CUL1: variants seen among roughly 807,000 people sequenced by gnomAD.
CUL1 encodes the protein cullin-1.
In CUL1, 24 loss-of-function variants were observed where a neutral mutation model predicts 118.0. The ratio of observed to expected loss-of-function variants is 0.20; its 90% CI spans 0.15 to 0.29. CUL1 has a LOEUF of 0.29. Among genes scored for constraint, CUL1 ranks in the 10% least tolerant of loss-of-function variants. The probability of loss-of-function intolerance (pLI) is 1.00; values close to 1 mark genes in which losing one functional copy is unlikely to be tolerated. For synonymous variants in CUL1, 332 were observed against 340.4 expected (o/e 0.98, Z 0.27); for missense variants, 361 against 933.8 (o/e 0.39, Z 7.99).
intron 9 of CUL1, among the ~76,000 whole-genome samples, chr7:148,774,578 G>C (rs892565170): frequency 6.6e-6 from 1 of 152,204 alleles, no homozygotes; most frequent in African/African-American, 2.4e-5. Context: ...AGACAGCTCT[G>C]TAAATGAACA....
chr7:148,781,431 C>G (rs1398415134), intron 9 of CUL1, among the ~76,000 whole-genome samples: 1 of 152,110 alleles, frequency 6.6e-6, no homozygotes, highest in Non-Finnish European at 1.5e-5. Context: ...GCAAGTCCTC[C>G]CATCTCACCA....
chr7:148,716,961 G>C (rs73465493), intron 1 of CUL1, among the ~76,000 whole-genome samples: 1,609 of 152,296 alleles, frequency 0.011, 26 homozygotes, highest in African/African-American at 0.037. Flanking sequence ...CATCTGTCAT[G>C]TTATTAGATC....
rs1008077107 is a variant in CUL1 at position 148,798,682 on chromosome 7, C to A, written c.2136+5C>A. On this transcript the variant is annotated splice_donor_5th_base_variant and intron_variant, in intron 20 of 21. Transcript: ENST00000325222. ...GACCGCAAACTACTGATTCAGGTGA[C>A]TTATCTGTATGCCTGTGCCAGGTGT... 7.5e-6 allele frequency: 12 copies of A among 1,610,350 alleles called. No individual in the cohort carries two copies. In the East Asian group the frequency reaches 2.7e-4, roughly 36 times the overall value.
intron 4 of CUL1, among the ~76,000 whole-genome samples, chr7:148,759,057 T>G (rs1217436542): frequency 6.6e-6 from 1 of 152,206 alleles, no homozygotes; most frequent in Non-Finnish European, 1.5e-5. Context: ...TTTCCTATAC[T>G]GTTTCCAACA....
intron 1 of CUL1, among the ~76,000 whole-genome samples, chr7:148,724,306 A>C (rs1419033171): frequency 6.6e-6 from 1 of 152,212 alleles, no homozygotes; most frequent in Non-Finnish European, 1.5e-5. Context: ...CTTCTTTTGG[A>C]ATAACAGTCT....
chr7:148,798,428 T>G, intron 19 of CUL1, 144 bp from the exon 20 acceptor site: 1 of 639,624 alleles, frequency 1.6e-6, no homozygotes, highest in Non-Finnish European at 2.8e-6. Flanking sequence ...GTAGAGGACA[T>G]TTTCACGGAG....
chr7:148,720,787 G>C (rs1034899942), intron 1 of CUL1, among the ~76,000 whole-genome samples: 1 of 152,186 alleles, frequency 6.6e-6, no homozygotes, highest in African/African-American at 2.4e-5. Flanking sequence ...AGTTGTCGTC[G>C]AGGGTTGAGC....
At chr7:148,727,578 G>T (rs1253173528) in intron 1 of CUL1, among the ~76,000 whole-genome samples, 4 of 152,178 alleles carry the variant, frequency 2.6e-5, no homozygotes, top group South Asian at 2.1e-4. Context: ...TTATGGCCTG[G>T]AGTAAGTGTT....
At chr7:148,733,986 C>A (rs1350380568) in intron 2 of CUL1, among the ~76,000 whole-genome samples, 1 of 151,084 alleles carries the variant, frequency 6.6e-6, no homozygotes, top group Non-Finnish European at 1.5e-5. Flanking sequence ...TTTATCTTGA[C>A]TTTTCAACTC....
rs1208598676 is a variant in CUL1, at chr7:148,789,857, G to T, written c.1674+31G>T. 3.1e-6 allele frequency: 5 copies of T among 1,597,112 alleles called. No homozygotes were observed. In the East Asian group the frequency reaches 1.1e-4, roughly 36 times the overall value. On this transcript the variant is annotated intron_variant, in intron 15 of 21. Transcript: ENST00000325222. ...GATGGGTTTGTCTGCCATCCCATTAGTGCTAAGTGGAGGGTGGGGCAGGGC... is the reference window on the plus strand; with the variant it reads ...GATGGGTTTGTCTGCCATCCCATTATTGCTAAGTGGAGGGTGGGGCAGGGC...
chr7:148,755,301 G>A (rs1350143971), intron 3 of CUL1, among the ~76,000 whole-genome samples: 1 of 152,168 alleles, frequency 6.6e-6, no homozygotes, highest in Non-Finnish European at 1.5e-5. Flanking sequence ...GTTCTACACT[G>A]TCAAAGAGTG....
chr7:148,769,487 C>T (rs1361598084), intron 9 of CUL1, among the ~76,000 whole-genome samples: 1 of 149,322 alleles, frequency 6.7e-6, no homozygotes, highest in Non-Finnish European at 1.5e-5. Flanking sequence ...GGGGTCAATT[C>T]GGTGAAGACA....
intron 16 of CUL1, among the ~76,000 whole-genome samples, chr7:148,791,681 G>A (rs1166533562): frequency 6.6e-6 from 1 of 152,238 alleles, no homozygotes; most frequent in Non-Finnish European, 1.5e-5. Flanking sequence ...TTGTCTGTGG[G>A]CCGCCCTGAA....
At chr7:148,755,050 G>C (rs1015079677) in intron 3 of CUL1, among the ~76,000 whole-genome samples, 4 of 152,208 alleles carry the variant, frequency 2.6e-5, no homozygotes, top group Non-Finnish European at 5.9e-5. Context: ...ACAGTGCCTG[G>C]CCATGACGTG....
In CUL1 at chr7:148,787,660, T is replaced by A. The variant is rs1800861668; in HGVS notation, c.1479+540T>A. On this transcript the variant is annotated intron_variant, in intron 13 of 21. Transcript: ENST00000325222. The surrounding 1 kb of genome is among the most constrained non-coding windows in gnomAD (Gnocchi z 5.5). ...GGCTTCCATCCTACCCAGGCCTGGC[T>A]GGGCTCAGCTCACCATCTGTGGGGC... 6.6e-6 allele frequency among the ~76,000 whole-genome samples: 1 copy of A among 152,066 alleles called. No homozygotes were observed. The highest frequency in any genetic ancestry group is 2.4e-5 in the African/African-American group (1 of 41,416).
intron 1 of CUL1, 87 bp from the exon 2 acceptor site, chr7:148,729,875 C>A: frequency 2.4e-6 from 1 of 416,210 alleles, no homozygotes. Flanking sequence ...AGAGTGGGCC[C>A]TGCAGACTGA....
intron 3 of CUL1, 117 bp downstream of exon 3, chr7:148,754,267 A>G: frequency 1.5e-6 from 1 of 660,350 alleles, no homozygotes; most frequent in Non-Finnish European, 2.5e-6. Context: ...ACACTAACGT[A>G]GGTGACAGTG....
intron 2 of CUL1, among the ~76,000 whole-genome samples, chr7:148,744,397 AGTGTGTGTGTGT>A (rs56093418): frequency 0.03 from 4,371 of 144,054 alleles, 195 homozygotes; most frequent in African/African-American, 0.095. Context: ...TTGTTTCTGC[AGTGTGTGTGTGT>A]GTGTGTGTGT....
chr7:148,747,827 G>A (rs756943283), intron 2 of CUL1, among the ~76,000 whole-genome samples: 1 of 152,154 alleles, frequency 6.6e-6, no homozygotes, highest in Non-Finnish European at 1.5e-5. Context: ...TAACCAGATG[G>A]CAGATCAGGA....
Sources: gnomAD v4.1 joint callset for allele counts (sites outside exome capture counted in the v4.1 genomes callset) on GRCh38, gnomAD v4.1.1 for gene constraint, Gnocchi (gnomAD v3.1) non-coding constraint, MANE v1.5 for transcripts, NCBI Gene and HGNC (gene_info 2026-07-23, HGNC 2026-07-21) for gene names.